MTF1: variants seen among roughly 807,000 people sequenced by gnomAD.
MTF1 encodes the protein metal regulatory transcription factor 1.
In MTF1, 22 loss-of-function variants were observed where a neutral mutation model predicts 70.4. The observed-to-expected ratio is 0.31, with a 90% CI of 0.22 to 0.45. MTF1 has a LOEUF of 0.45. MTF1 is among the 20% of genes least tolerant of loss of function. The pLI is 1.00. For synonymous variants in MTF1, 333 were observed against 352.8 expected, an observed-to-expected ratio of 0.94 and a Z score of 0.63; for missense variants, 649 against 922.0, an observed-to-expected ratio of 0.70 and a Z score of 3.83.
At position 37,815,581 on chromosome 1, in the gene MTF1, A is replaced by T. The variant is rs1178999406; in HGVS notation, c.1832-15T>A. ...GACAGAGCTCCCTGCGAGAGAGGCA[A>T]GAGAGACTGCTCTTCAAGTAGCTGC... On this transcript the variant is annotated splice_polypyrimidine_tract_variant and intron_variant, in intron 10 of 10. Transcript: ENST00000373036. The surrounding 1 kb of genome is among the most constrained non-coding windows in gnomAD (Gnocchi z 4.5). 1 of 1,518,714 alleles carries T rather than the reference A, an allele frequency of 6.6e-7. No individual in the cohort carries two copies. Among genetic ancestry groups the T allele is most frequent in the East Asian group, 2.3e-5 (1 of 44,118 alleles). 94.1% of individuals were successfully genotyped at this position (1,518,714 alleles called of 1,614,324 possible). A position where few individuals can be genotyped will look rare whatever the true frequency, so the allele number is the denominator to read the frequency against.
At chr1:37,817,380 A>C in intron 10 of MTF1, 39 bp downstream of exon 10, 24 of 1,297,680 alleles carry the variant, frequency 1.8e-5, no homozygotes, top group East Asian at 2.3e-5. Flanking sequence ...AGGGACCCAC[A>C]GAGTTGCCTT....
At chr1:37,839,738 A>G (rs1233976518) in intron 3 of MTF1, among the ~76,000 whole-genome samples, 182 bp downstream of exon 3, 2 of 152,234 alleles carry the variant, frequency 1.3e-5, no homozygotes, top group African/African-American at 4.8e-5. Flanking sequence ...TCTCTAATGC[A>G]TTTTTAAATT....
chr1:37,858,446 G>A (rs1641535203), intron 1 of MTF1: 1 of 152,146 alleles, frequency 6.6e-6, no homozygotes, highest in Non-Finnish European at 1.5e-5. Context: ...CACAATGTTT[G>A]GTAAATAGTA....
intron 2 of MTF1, among the ~76,000 whole-genome samples, chr1:37,843,433 A>G (rs1641286054): frequency 6.6e-6 from 1 of 152,210 alleles, no homozygotes; most frequent in African/African-American, 2.4e-5. Flanking sequence ...AGGAGGGGAA[A>G]GCCTCAGGTA....
At chr1:37,838,492 C>G (rs1488493885) in intron 4 of MTF1, 133 bp downstream of exon 4, 6 of 659,208 alleles carry the variant, frequency 9.1e-6, no homozygotes, top group Non-Finnish European at 1.5e-5. Flanking sequence ...TTATAGCTGT[C>G]CTGGGGTGAG....
intron 4 of MTF1, among the ~76,000 whole-genome samples, chr1:37,837,204 G>A (rs944247691): frequency 6.6e-5 from 10 of 152,076 alleles, no homozygotes; most frequent in South Asian, 2.1e-4. Context: ...GGGACCACAC[G>A]CATGCGCCAC....
intron 7 of MTF1, among the ~76,000 whole-genome samples, chr1:37,826,341 C>T (rs1174774361): frequency 6.6e-6 from 1 of 152,118 alleles, no homozygotes; most frequent in Non-Finnish European, 1.5e-5. Flanking sequence ...GGCGGGAGTG[C>T]AGAGGCGCAG....
intron 2 of MTF1, chr1:37,841,010 CT>C: frequency 4.5e-6 from 1 of 220,078 alleles, no homozygotes; most frequent in South Asian, 6.0e-5. Context: ...GCTGGGCTGC[CT>C]GGTCCAGGAC....
At chr1:37,818,384 C>A (rs368309028) in intron 9 of MTF1, among the ~76,000 whole-genome samples, 1 of 152,092 alleles carries the variant, frequency 6.6e-6, no homozygotes, top group East Asian at 1.9e-4. Context: ...TCAAGGCCAG[C>A]CCAGCCTGGA....
rs536001293 is a variant in MTF1 at position 37,852,372 on chromosome 1, C to T, written c.408+4879G>A. ...AAACTCTTTAATTACCCCATCAAAA[C>T]TTTTTCCTTTTCCCATCTTTCTTGA... On this transcript the variant is annotated intron_variant, in intron 2 of 10. Coordinates refer to ENST00000373036, the MANE Select transcript of MTF1 (RefSeq NM_005955.3). Among the ~76,000 whole-genome samples, 5 of 152,334 alleles carry T rather than the reference C, an allele frequency of 3.3e-5. No homozygotes were observed. The East Asian group carries it at 9.6e-4, about 29-fold the overall frequency.
intron 7 of MTF1, among the ~76,000 whole-genome samples, chr1:37,825,329 C>T (rs771028693): frequency 6.6e-5 from 10 of 152,066 alleles, no homozygotes; most frequent in Admixed American, 3.9e-4. Context: ...CTTCAACTCC[C>T]GGGCTCAAGT....
At chr1:37,835,270 A>G (rs990357762) in intron 5 of MTF1, 55 bp from the exon 6 acceptor site, 3 of 1,496,410 alleles carry the variant, frequency 2.0e-6, no homozygotes, top group Non-Finnish European at 2.8e-6. Context: ...CACTGGATTA[A>G]GAAATCTACC....
At chr1:37,853,467 G>T (rs1420705811) in intron 2 of MTF1, among the ~76,000 whole-genome samples, 1 of 152,154 alleles carries the variant, frequency 6.6e-6, no homozygotes, top group Non-Finnish European at 1.5e-5. Context: ...GGCTGCTTTT[G>T]TGCTACAATG....
At chr1:37,842,768 C>A (rs2148416117) in intron 2 of MTF1, among the ~76,000 whole-genome samples, 1 of 151,894 alleles carries the variant, frequency 6.6e-6, no homozygotes, top group South Asian at 2.1e-4. Flanking sequence ...AATGATGTCA[C>A]CAGAGCTAAA....
Position 37,822,310 on chromosome 1 carries a change from A to G in MTF1, c.1578T>C (p.Thr526=). The change falls in exon 9 of 11, where the codon ACT becomes ACC. Residue 526 remains threonine, a synonymous_variant. Coordinates refer to ENST00000373036, the MANE Select transcript of MTF1 (RefSeq NM_005955.3). ...TCTGGACCATGGCTGGCAGGGGCTCAGTAGTACTTTGTGGTGGGGCTGGTG... is the reference window on the plus strand; with the variant it reads ...TCTGGACCATGGCTGGCAGGGGCTCGGTAGTACTTTGTGGTGGGGCTGGTG... ...VAAPAPPQST[T]EPLPAMVQTL... 6.2e-7 allele frequency: 1 copy of G among 1,613,892 alleles called. No individual in the cohort carries two copies. The highest frequency in any genetic ancestry group is 8.5e-7 in the Non-Finnish European group (1 of 1,179,848).
chr1:37,852,867 C>A (rs894219173), intron 2 of MTF1, among the ~76,000 whole-genome samples: 1 of 152,114 alleles, frequency 6.6e-6, no homozygotes, highest in Non-Finnish European at 1.5e-5. Context: ...CAGACCTCAA[C>A]TGATCCACCT....
chr1:37,846,059 A>T (rs1641328066), intron 2 of MTF1, among the ~76,000 whole-genome samples: 1 of 152,188 alleles, frequency 6.6e-6, no homozygotes, highest in Admixed American at 6.5e-5. Context: ...TACATACAGG[A>T]GGTATTGCAA....
At chr1:37,824,633 G>C (rs940540767) in intron 7 of MTF1, among the ~76,000 whole-genome samples, 27 of 152,198 alleles carry the variant, frequency 1.8e-4, no homozygotes, top group African/African-American at 6.5e-4. Context: ...GGGAGGCGGA[G>C]GTTGCAGTGA....
intron 7 of MTF1, among the ~76,000 whole-genome samples, chr1:37,831,359 G>A (rs1369529708): frequency 6.6e-6 from 1 of 152,280 alleles, no homozygotes; most frequent in Middle Eastern, 3.4e-3. Flanking sequence ...CAGAAGTGCT[G>A]TAATTGACTC....
Sources: gnomAD v4.1 joint callset for allele counts (sites outside exome capture counted in the v4.1 genomes callset) on GRCh38, gnomAD v4.1.1 for gene constraint, Gnocchi (gnomAD v3.1) non-coding constraint, MANE v1.5 for transcripts, NCBI Gene and HGNC (gene_info 2026-07-23, HGNC 2026-07-21) for gene names.